The following CIMIP7 variants were observed in gnomAD, a reference collection of about 807,000 sequenced individuals.
The protein encoded by CIMIP7 is ciliary microtubule inner protein 7.
At chr3:49,177,785 C>G in the CIMIP7 span, 1 of 1,611,458 alleles carries the variant, frequency 6.2e-7, no homozygotes, top group Non-Finnish European at 8.5e-7. Flanking sequence ...TTGTAGCTGC[C>G]ATAGTGGCCA....
chr3:49,189,386 C>T, the CIMIP7 span, among the ~76,000 whole-genome samples: 92 of 152,244 alleles, frequency 6.0e-4, 3 homozygotes, highest in Non-Finnish European at 3.4e-4. Context: ...GCTAGGATTA[C>T]AGGCGTGAGC....
At chr3:49,182,766 G>A in the CIMIP7 span, among the ~76,000 whole-genome samples, 1 of 152,184 alleles carries the variant, frequency 6.6e-6, no homozygotes, top group African/African-American at 2.4e-5. Flanking sequence ...GGGAGTGAAG[G>A]GGGAGGTTCA....
At chr3:49,183,405 G>A in the CIMIP7 span, among the ~76,000 whole-genome samples, 7 of 152,140 alleles carry the variant, frequency 4.6e-5, no homozygotes, top group African/African-American at 1.2e-4. Context: ...ACATGCAGCC[G>A]GGCGCGGTGG....
chr3:49,179,268 A>T, the CIMIP7 span, among the ~76,000 whole-genome samples: 1 of 152,074 alleles, frequency 6.6e-6, no homozygotes, highest in Admixed American at 6.6e-5. Flanking sequence ...CTTTTCCCCG[A>T]TCCAAGCCAC....
At chr3:49,184,624 T>A in the CIMIP7 span, among the ~76,000 whole-genome samples, 1 of 148,912 alleles carries the variant, frequency 6.7e-6, no homozygotes, top group South Asian at 2.1e-4. Context: ...CTGGCCTATG[T>A]AATTTTTTTT....
chr3:49,190,547 G>A, the CIMIP7 span, among the ~76,000 whole-genome samples: 7 of 150,902 alleles, frequency 4.6e-5, no homozygotes, highest in Non-Finnish European at 8.8e-5. Context: ...CCAGGCTGGA[G>A]TACAGTGGCA....
At chr3:49,189,403 G>A in the CIMIP7 span, among the ~76,000 whole-genome samples, 1 of 151,962 alleles carries the variant, frequency 6.6e-6, no homozygotes, top group Non-Finnish European at 1.5e-5. Flanking sequence ...GAGCCACCTC[G>A]CCCAGCTGTG....
the CIMIP7 span, among the ~76,000 whole-genome samples, chr3:49,183,087 G>A: frequency 6.6e-6 from 1 of 152,208 alleles, no homozygotes; most frequent in African/African-American, 2.4e-5. Flanking sequence ...GGGCTGAAGG[G>A]CTCCTCAAGT....
chr3:49,177,816 G>T, the CIMIP7 span: 1 of 1,612,850 alleles, frequency 6.2e-7, no homozygotes. Context: ...GGCAGCAGAA[G>T]TTCTGCTGGT....
At chr3:49,190,157 G>A in the CIMIP7 span, 1 of 1,560,824 alleles carries the variant, frequency 6.4e-7, no homozygotes, top group Non-Finnish European at 8.7e-7. Context: ...AGACAGGAAT[G>A]AGGATAAAAC....
At chr3:49,191,686 C>A in the CIMIP7 span, 1 of 1,562,962 alleles carries the variant, frequency 6.4e-7, no homozygotes, top group South Asian at 1.1e-5. Flanking sequence ...ATGACTCAGT[C>A]AGATTTCAGG....
At chr3:49,178,115 C>T in the CIMIP7 span, 1 of 1,449,118 alleles carries the variant, frequency 6.9e-7, no homozygotes, top group African/African-American at 1.4e-5. Context: ...TGGGCCCCTC[C>T]TAACCCCAAG....
the CIMIP7 span, among the ~76,000 whole-genome samples, chr3:49,190,902 C>T: frequency 2.0e-5 from 3 of 152,034 alleles, no homozygotes; most frequent in Admixed American, 6.6e-5. Flanking sequence ...CTCCTGACCT[C>T]GTGATCTGCC....
the CIMIP7 span, among the ~76,000 whole-genome samples, chr3:49,191,153 C>A: frequency 6.6e-6 from 1 of 152,102 alleles, no homozygotes; most frequent in Non-Finnish European, 1.5e-5. Context: ...GTGTCTGGCC[C>A]TCCACAATTA....
the CIMIP7 span, among the ~76,000 whole-genome samples, chr3:49,179,086 A>T: frequency 1.3e-5 from 2 of 152,132 alleles, no homozygotes; most frequent in Non-Finnish European, 2.9e-5. Context: ...TCATCCCCAG[A>T]CACACTCCAC....
the CIMIP7 span, among the ~76,000 whole-genome samples, chr3:49,179,045 A>G: frequency 1.3e-5 from 2 of 152,296 alleles, no homozygotes; most frequent in Non-Finnish European, 2.9e-5. Context: ...TGCCTAATTG[A>G]GCATCTCCAA....
At chr3:49,183,519 T>C in the CIMIP7 span, among the ~76,000 whole-genome samples, 1 of 152,118 alleles carries the variant, frequency 6.6e-6, no homozygotes, top group African/African-American at 2.4e-5. Flanking sequence ...CTGTCTCTAC[T>C]AAAAATACAA....
chr3:49,182,700 T>G, the CIMIP7 span, among the ~76,000 whole-genome samples: 882 of 152,262 alleles, frequency 5.8e-3, 12 homozygotes, highest in African/African-American at 0.02. Context: ...TGGGACTGGA[T>G]GCCATGGAGC....
the CIMIP7 span, among the ~76,000 whole-genome samples, chr3:49,187,626 GA>G: frequency 1.0e-4 from 15 of 149,750 alleles, no homozygotes; most frequent in African/African-American, 2.2e-4. Context: ...GAAAAAAAAT[GA>G]AAAAAAAACC....
Sources: allele counts gnomAD v4.1 joint callset (sites outside exome capture counted in the v4.1 genomes callset), GRCh38; gene constraint gnomAD v4.1.1; transcripts MANE v1.5; gene names NCBI Gene and HGNC (gene_info 2026-07-23, HGNC 2026-07-21).